The following HMCN2 variants were observed in gnomAD, a reference collection of about 807,000 sequenced individuals.
HMCN2 encodes hemicentin-2.
In HMCN2, 325 loss-of-function variants were observed where a neutral mutation model predicts 377.5. That is an observed-to-expected ratio of 0.86 (90% CI 0.79 to 0.94). The LOEUF is 0.94. Among genes scored for constraint, HMCN2 ranks in the 40% least tolerant of loss-of-function variants. The pLI is 0.00. For synonymous variants in HMCN2, 2,007 were observed against 2,046.8 expected, an observed-to-expected ratio of 0.98 and a Z score of 0.53; for missense variants, 4,543 against 4,725.3, an observed-to-expected ratio of 0.96 and a Z score of 1.13.
intron 23 of HMCN2, among the ~76,000 whole-genome samples, chr9:130,339,190 A>G (rs935343926): frequency 2.0e-5 from 3 of 152,206 alleles, no homozygotes; most frequent in South Asian, 4.1e-4. Context: ...CCTGTCTCAA[A>G]CAAAACAAAA....
intron 34 of HMCN2, 40 bp from the exon 35 acceptor site, chr9:130,357,794 G>T (rs558682651): frequency 3.1e-6 from 4 of 1,282,216 alleles, no homozygotes; most frequent in Admixed American, 2.3e-5. Flanking sequence ...TACTCCTCCT[G>T]ATTCTGACTC....
Position 130,414,060 on chromosome 9 carries a change from A to C in HMCN2, c.12961+3408A>C, listed in dbSNP as rs1843564471. Among the ~76,000 whole-genome samples, 1 of 151,170 alleles carries C rather than the reference A, an allele frequency of 6.6e-6. No homozygotes were observed. The highest frequency in any genetic ancestry group is 1.5e-5 in the Non-Finnish European group (1 of 67,944). ...TGTAATCCCAGCTACTTGGGAGGCA[A>C]ACACCATGAAAAACACCCCTGCCCC... On this transcript the variant is annotated intron_variant, in intron 85 of 97. Transcript: ENST00000683500. This position sits in a 1 kb window ranked among gnomAD's most constrained non-coding sequence, Gnocchi z 4.4.
intron 83 of HMCN2, among the ~76,000 whole-genome samples, chr9:130,408,249 C>T (rs1184025212): frequency 1.3e-5 from 2 of 152,164 alleles, no homozygotes; most frequent in African/African-American, 2.4e-5. Context: ...CCTCAGGAAA[C>T]CAGGAAGGAT....
chr9:130,302,915 G>T lies in HMCN2; in HGVS notation c.1335G>T (p.Leu445=), dbSNP rs1554935048. The T allele has an allele frequency of 2.1e-6, 1 of 470,836 alleles. No homozygotes were observed. The highest frequency in any genetic ancestry group is 4.4e-6 in the Non-Finnish European group (1 of 226,844). The allele number at this position is 470,836 out of a possible 1,614,324, so 29.2% of individuals were successfully genotyped here. A position where few individuals can be genotyped will look rare whatever the true frequency, so the allele number is the denominator to read the frequency against. The change falls in exon 9 of 98, where the codon CTG becomes CTT. Residue 445 remains leucine, a synonymous_variant. Transcript: ENST00000683500. ...RIHGYLHQPL[L]VSCSVHSALP... ...ATGGCTACCTGCACCAGCCCCTGCT[G>T]GTCTCCTGCTCGGTGCACAGTGCCC... is the stretch of plus-strand genomic sequence containing the variant.
Position 130,295,673 on chromosome 9 carries a change from C to G in HMCN2, c.792C>G (p.Ile264Met), listed in dbSNP as rs1347057365. 2.1e-6 allele frequency: 1 copy of G among 470,736 alleles called. No homozygotes were observed. The highest frequency in any genetic ancestry group is 2.0e-5 in the African/African-American group (1 of 50,062). 29.2% of individuals were successfully genotyped at this position (470,736 alleles called of 1,614,324 possible). The change falls in exon 6 of 98, where the codon ATC becomes ATG. Residue 264 changes from isoleucine to methionine, a missense_variant. Physicochemically the swap from Ile to Met is conservative, Grantham distance 10. Transcript: ENST00000683500. ...CCCTTGGGGCTTCCACAGGGAGGAT[C>G]CTGCAGGAGGACGAGGGCCTCAACG... ...EIEVQDPLGR[I>M]LQEDEGLNVL... is the part of the protein sequence containing the mutation.
At chr9:130,417,244 G>A (rs1408008767) in intron 85 of HMCN2, among the ~76,000 whole-genome samples, 3 of 151,992 alleles carry the variant, frequency 2.0e-5, no homozygotes, top group African/African-American at 4.8e-5. Flanking sequence ...AGCCGGGGCC[G>A]GACATGGTCG....
At chr9:130,316,531 G>A (rs1234181292) in intron 15 of HMCN2, among the ~76,000 whole-genome samples, 1 of 152,078 alleles carries the variant, frequency 6.6e-6, no homozygotes, top group Admixed American at 6.6e-5. Context: ...GCACATTTCC[G>A]GGTGTTCTAG....
chr9:130,393,183 C>T lies in HMCN2; in HGVS notation c.10137-29C>T. On this transcript the variant is annotated intron_variant, in intron 66 of 97. Coordinates refer to ENST00000683500, the MANE Select transcript of HMCN2 (RefSeq NM_001291815.2). The surrounding 1 kb of genome is among the most constrained non-coding windows in gnomAD (Gnocchi z 5.2). Reference sequence around the variant, plus strand: ...CTCTCTCTCTCCCTTTCTCTTGTCTCCTTCTCCCTCTCCTCTCGGGGGATT... The same window carrying T: ...CTCTCTCTCTCCCTTTCTCTTGTCTTCTTCTCCCTCTCCTCTCGGGGGATT... 1 of 985,296 alleles carries T rather than the reference C, an allele frequency of 1.0e-6. No individual in the cohort carries two copies. Among genetic ancestry groups the T allele is most frequent in the Non-Finnish European group, 1.2e-6 (1 of 827,646 alleles). 61.0% of individuals were successfully genotyped at this position (985,296 alleles called of 1,614,324 possible).
intron 90 of HMCN2, 24 bp downstream of exon 90, chr9:130,425,948 AC>A: frequency 2.0e-6 from 3 of 1,510,226 alleles, no homozygotes; most frequent in Non-Finnish European, 8.9e-7. Flanking sequence ...GCTTTGTTCC[AC>A]CCCCACTGCC....
In HMCN2 at chr9:130,428,563, G is replaced by T; in HGVS notation, c.14197+74G>T. 6.6e-7 allele frequency: 1 copy of T among 1,510,856 alleles called. No homozygotes were observed. The highest frequency in any genetic ancestry group is 2.0e-5 in the Admixed American group (1 of 50,282). 93.6% of individuals were successfully genotyped at this position (1,510,856 alleles called of 1,614,324 possible). On this transcript the variant is annotated intron_variant, in intron 93 of 97. Coordinates refer to ENST00000683500, the MANE Select transcript of HMCN2 (RefSeq NM_001291815.2). The surrounding 1 kb of genome is among the most constrained non-coding windows in gnomAD (Gnocchi z 5.0). ...GGTTGCCAGGGATCAGCTGACAGGG[G>T]GCTGTGTGTCACTGGGCTCTGGGCT...
chr9:130,415,401 A>C (rs1843632483), intron 85 of HMCN2, among the ~76,000 whole-genome samples: 1 of 151,922 alleles, frequency 6.6e-6, no homozygotes, highest in Non-Finnish European at 1.5e-5. Flanking sequence ...GCAATGGCAC[A>C]ATCACAGCTC....
At chr9:130,416,489 A>G (rs1167885591) in intron 85 of HMCN2, among the ~76,000 whole-genome samples, 1 of 152,184 alleles carries the variant, frequency 6.6e-6, no homozygotes, top group Non-Finnish European at 1.5e-5. Context: ...GCATTCGTCC[A>G]TATTGTTCAC....
In HMCN2 at chr9:130,432,463, TG is replaced by T. The variant is rs1357615526; in HGVS notation, c.14804del (p.Gly4935AspfsTer157). The T allele has an allele frequency of 5.0e-5, 78 of 1,550,908 alleles. No homozygotes were observed. The highest frequency in any genetic ancestry group is 3.3e-4 in the Middle Eastern group (2 of 6,016). ...AGTGCGAGGAGGAGAGCATCGAGTG[TG>T]GACCCGGCCAGATGTGCTTCAACAC... Reference protein sequence around the residue: ...NECEEESIECGPGQMCFNTRG... With the variant: ...NECEEESIECXPGQMCFNTRG... On this transcript the variant is annotated frameshift_variant, in exon 97 of 98. Transcript: ENST00000683500. LOFTEE classifies it high-confidence loss of function.
At chr9:130,326,306 G>A (rs1838131462) in intron 21 of HMCN2, among the ~76,000 whole-genome samples, 2 of 152,032 alleles carry the variant, frequency 1.3e-5, no homozygotes, top group South Asian at 4.2e-4. Flanking sequence ...GTTCCCCCAG[G>A]CTGGTCAAGT....
intron 89 of HMCN2, among the ~76,000 whole-genome samples, chr9:130,425,348 C>T (rs1319057419): frequency 6.6e-6 from 1 of 152,120 alleles, no homozygotes; most frequent in Admixed American, 6.5e-5. Flanking sequence ...GACTTCAGAT[C>T]AGAGTATTCT....
At chr9:130,429,286 AG>A (rs1844587648) in intron 93 of HMCN2, 2 of 486,256 alleles carry the variant, frequency 4.1e-6, no homozygotes, top group Non-Finnish European at 7.3e-6. Context: ...TCCTTGCCCA[AG>A]GGCTAGAATA....
intron 37 of HMCN2, 85 bp downstream of exon 37, chr9:130,359,499 A>C: frequency 1.8e-6 from 1 of 549,014 alleles, no homozygotes. Context: ...GGACTCTCTG[A>C]TTGGACATAA....
chr9:130,313,774 CTTTTTTTTT>C (rs1215426849), intron 15 of HMCN2, among the ~76,000 whole-genome samples: 18 of 81,558 alleles, frequency 2.2e-4, no homozygotes, highest in Admixed American at 6.2e-4. Context: ...TGTGTGTCCT[CTTTTTTTTT>C]TTTTTTTTTT....
intron 4 of HMCN2, among the ~76,000 whole-genome samples, chr9:130,291,477 TG>T (rs782724642): frequency 6.6e-6 from 1 of 152,240 alleles, no homozygotes; most frequent in African/African-American, 2.4e-5. Context: ...CCCAAAGTGC[TG>T]GGATTATAGG....
Sources: gnomAD v4.1 joint callset for allele counts (sites outside exome capture counted in the v4.1 genomes callset) on GRCh38, gnomAD v4.1.1 for gene constraint, Gnocchi (gnomAD v3.1) non-coding constraint, MANE v1.5 for transcripts, NCBI Gene and HGNC (gene_info 2026-07-23, HGNC 2026-07-21) for gene names.